MAP4: variants seen among roughly 807,000 people sequenced by gnomAD.
MAP4 encodes microtubule associated protein 4.
In MAP4, 76 loss-of-function variants were observed where a neutral mutation model predicts 170.2. The observed-to-expected ratio is 0.45, with a 90% CI of 0.37 to 0.54. The LOEUF is 0.54. Ranked by LOEUF, MAP4 falls within the 20% of genes least tolerant of loss-of-function variation. The pLI, the probability that MAP4 is intolerant of heterozygous loss-of-function variation, is 0.00. For synonymous variants in MAP4, 909 were observed against 994.5 expected, an observed-to-expected ratio of 0.91 and a Z score of 1.62; for missense variants, 2,506 against 2,748.0, an observed-to-expected ratio of 0.91 and a Z score of 1.97.
At chr3:47,955,735 T>G (rs2100067462) in intron 3 of MAP4, among the ~76,000 whole-genome samples, 1 of 152,174 alleles carries the variant, frequency 6.6e-6, no homozygotes, top group African/African-American at 2.4e-5. Flanking sequence ...TTGGTAGGCT[T>G]CAACCCAGCT....
At chr3:48,046,141 A>G (rs932814092) in intron 1 of MAP4, among the ~76,000 whole-genome samples, 2 of 152,134 alleles carry the variant, frequency 1.3e-5, no homozygotes, top group African/African-American at 2.4e-5. Context: ...TTTGAGTTCA[A>G]TTTGAATTTC....
intron 3 of MAP4, chr3:47,960,651 T>C (rs1674331169): frequency 5.8e-6 from 1 of 172,734 alleles, no homozygotes; most frequent in Admixed American, 5.9e-5. Flanking sequence ...AGCTGGCAAG[T>C]TGGTGAACAG....
intron 10 of MAP4, among the ~76,000 whole-genome samples, chr3:47,889,704 G>A (rs903789928): frequency 6.6e-6 from 1 of 152,152 alleles, no homozygotes; most frequent in African/African-American, 2.4e-5. Flanking sequence ...TCACCTAGAA[G>A]TTATGTGGTA....
intron 3 of MAP4, among the ~76,000 whole-genome samples, chr3:47,944,093 C>G (rs2100058199): frequency 6.6e-6 from 1 of 152,026 alleles, no homozygotes. Flanking sequence ...AGGTGGATCA[C>G]AAGGTCAGGA....
chr3:47,929,883 C>T (rs2100048457), intron 3 of MAP4, among the ~76,000 whole-genome samples: 2 of 152,126 alleles, frequency 1.3e-5, no homozygotes, highest in Admixed American at 1.3e-4. Context: ...AATCCCTGCA[C>T]TTTGGGAGGC....
chr3:47,905,261 T>C (rs1317262770), intron 9 of MAP4, among the ~76,000 whole-genome samples: 2 of 152,188 alleles, frequency 1.3e-5, no homozygotes, highest in Non-Finnish European at 2.9e-5. Flanking sequence ...GATTAATTTT[T>C]CTTCTACAAA....
chr3:47,898,493 TCC>T (rs1163353917), intron 10 of MAP4, among the ~76,000 whole-genome samples: 2 of 139,360 alleles, frequency 1.4e-5, no homozygotes, highest in African/African-American at 5.3e-5. Context: ...AGGGCGAGAC[TCC>T]GCCTCAAAAA....
intron 3 of MAP4, among the ~76,000 whole-genome samples, chr3:47,928,840 G>A (rs181402155): frequency 0.019 from 2,674 of 143,616 alleles, 68 homozygotes; most frequent in African/African-American, 0.065. Context: ...AAAAAAAAAA[G>A]CCAGCCTAAA....
At chr3:48,001,651 C>T (rs757831281) in intron 1 of MAP4, among the ~76,000 whole-genome samples, 6 of 151,928 alleles carry the variant, frequency 3.9e-5, no homozygotes, top group East Asian at 3.9e-4. Flanking sequence ...AGGTACGCAC[C>T]GCCACACCCA....
intron 1 of MAP4, among the ~76,000 whole-genome samples, chr3:48,045,068 A>G (rs1250470612): frequency 6.6e-6 from 1 of 151,728 alleles, no homozygotes; most frequent in Non-Finnish European, 1.5e-5. Flanking sequence ...ACCAGCCTGG[A>G]CAACATGGTG....
intron 1 of MAP4, among the ~76,000 whole-genome samples, chr3:48,054,909 T>C (rs1224024803): frequency 2.0e-5 from 3 of 151,584 alleles, no homozygotes; most frequent in African/African-American, 4.9e-5. Flanking sequence ...TTTTAGACAA[T>C]AACCAATCTA....
At chr3:47,894,609 T>C (rs2100025817) in intron 10 of MAP4, among the ~76,000 whole-genome samples, 2 of 150,036 alleles carry the variant, frequency 1.3e-5, no homozygotes, top group African/African-American at 2.4e-5. Context: ...AGAAAAAATA[T>C]GAGGCGAGAT....
At chr3:48,073,025 G>GT (rs2100141768) in intron 1 of MAP4, among the ~76,000 whole-genome samples, 1 of 151,850 alleles carries the variant, frequency 6.6e-6, no homozygotes, top group African/African-American at 2.4e-5. Context: ...GAGGTCAGGA[G>GT]TTGGAGACGA....
intron 1 of MAP4, among the ~76,000 whole-genome samples, chr3:48,085,191 T>TAAAAA (rs896066878): frequency 4.0e-5 from 4 of 98,834 alleles, no homozygotes; most frequent in Admixed American, 1.1e-4. Flanking sequence ...GCTTAATCTT[T>TAAAAA]AAAAAAAAAA....
At chr3:47,948,785 T>TA (rs1559561345) in intron 3 of MAP4, among the ~76,000 whole-genome samples, 2 of 151,928 alleles carry the variant, frequency 1.3e-5, no homozygotes, top group Non-Finnish European at 2.9e-5. Context: ...CATACCCAAC[T>TA]AATTTTTTTG....
chr3:48,047,039 A>C (rs1169415083), intron 1 of MAP4, among the ~76,000 whole-genome samples: 1 of 152,000 alleles, frequency 6.6e-6, no homozygotes, highest in Non-Finnish European at 1.5e-5. Flanking sequence ...GCTTGCAGTA[A>C]GCCGAGACCA....
At chr3:48,073,198 G>C (rs2100141853) in intron 1 of MAP4, among the ~76,000 whole-genome samples, 1 of 147,866 alleles carries the variant, frequency 6.8e-6, no homozygotes, top group Non-Finnish European at 1.5e-5. Flanking sequence ...CAACAGAGAG[G>C]CTCCATCTCA....
At chr3:47,984,575 T>C (rs934096140) in intron 2 of MAP4, among the ~76,000 whole-genome samples, 1 of 152,038 alleles carries the variant, frequency 6.6e-6, no homozygotes, top group South Asian at 2.1e-4. Context: ...CTCATGCCTG[T>C]AATCCTAGCA....
At chr3:47,963,838 A>G (rs1483149111) in intron 3 of MAP4, among the ~76,000 whole-genome samples, 1 of 152,230 alleles carries the variant, frequency 6.6e-6, no homozygotes. Flanking sequence ...AAAGCCACGA[A>G]GAAAATTCAA....
Sources: gnomAD v4.1 joint callset for allele counts (sites outside exome capture counted in the v4.1 genomes callset) on GRCh38, gnomAD v4.1.1 for gene constraint, MANE v1.5 for transcripts, NCBI Gene and HGNC (gene_info 2026-07-23, HGNC 2026-07-21) for gene names.